NALF1: variants seen among roughly 807,000 people sequenced by gnomAD.
The protein encoded by NALF1 is NALCN channel auxiliary factor 1, also known as family with sequence similarity 155 member A.
Under a neutral mutation model 48.4 loss-of-function variants are expected in NALF1, and 3 were observed. The ratio of observed to expected loss-of-function variants is 0.06; its 90% CI spans 0.03 to 0.16. The LOEUF (loss-of-function observed/expected upper bound fraction) is 0.16, where lower values mean the gene tolerates loss of function less well. Ranked by LOEUF, NALF1 falls within the 10% of genes least tolerant of loss-of-function variation. The pLI is 1.00. For synonymous variants in NALF1, 262 were observed against 245.7 expected, an observed-to-expected ratio of 1.07 and a Z score of -0.62; for missense variants, 526 against 571.5, an observed-to-expected ratio of 0.92 and a Z score of 0.81.
chr13:107,863,557 G>A lies in NALF1; in HGVS notation c.915+2125C>T, dbSNP rs142002710. 1.4e-3 allele frequency among the ~76,000 whole-genome samples: 214 copies of A among 152,296 alleles called. 1 individual carries two copies. The highest frequency in any genetic ancestry group is 5.1e-3 in the African/African-American group (211 of 41,580). ...CATAACATGCAATTAATTCTCCATT[G>A]CGGTGATAAGAAATCAAGTGTCTGC... is the stretch of plus-strand genomic sequence containing the variant. On this transcript the variant is annotated intron_variant, in intron 1 of 2. Coordinates refer to ENST00000375915, the MANE Select transcript of NALF1 (RefSeq NM_001080396.3).
intron 1 of NALF1, among the ~76,000 whole-genome samples, chr13:107,435,889 C>G (rs943878141): frequency 6.6e-6 from 1 of 152,130 alleles, no homozygotes; most frequent in Non-Finnish European, 1.5e-5. Flanking sequence ...ACCTACTTAA[C>G]CTGGGGCTGA....
At chr13:107,744,308 G>A (rs1022234332) in intron 1 of NALF1, among the ~76,000 whole-genome samples, 1 of 152,200 alleles carries the variant, frequency 6.6e-6, no homozygotes, top group Non-Finnish European at 1.5e-5. Flanking sequence ...TGCATTTAAA[G>A]TCCAGCAGAT....
At chr13:107,735,077 C>T (rs993808580) in intron 1 of NALF1, among the ~76,000 whole-genome samples, 1 of 152,052 alleles carries the variant, frequency 6.6e-6, no homozygotes, top group Non-Finnish European at 1.5e-5. Flanking sequence ...AATATTCCAC[C>T]AGGAAGCCTC....
At chr13:107,325,849 C>CATAT (rs748454208) in intron 1 of NALF1, among the ~76,000 whole-genome samples, 17 of 52,612 alleles carry the variant, frequency 3.2e-4, no homozygotes, top group African/African-American at 1.1e-3. Context: ...TCAACACACA[C>CATAT]ACACACATAT....
intron 1 of NALF1, among the ~76,000 whole-genome samples, chr13:107,547,338 C>G (rs1221575804): frequency 6.6e-6 from 1 of 152,058 alleles, no homozygotes; most frequent in Non-Finnish European, 1.5e-5. Flanking sequence ...ATCCCAGATT[C>G]TTTAATTTGA....
intron 1 of NALF1, among the ~76,000 whole-genome samples, chr13:107,559,083 C>A (rs770626298): frequency 5.3e-5 from 8 of 152,200 alleles, no homozygotes; most frequent in Non-Finnish European, 1.2e-4. Flanking sequence ...AGATCTCTTT[C>A]TGTACATGCA....
intron 1 of NALF1, among the ~76,000 whole-genome samples, chr13:107,234,541 G>A (rs1328722779): frequency 2.0e-5 from 3 of 152,118 alleles, no homozygotes; most frequent in African/African-American, 7.2e-5. Flanking sequence ...AGCACTGCCT[G>A]TCAGCCGGCC....
chr13:107,865,872 T>C lies in NALF1; in HGVS notation c.725A>G (p.Asn242Ser), dbSNP rs537414485. ...CACATCCAGACTGCAGTTCAAAGTGTTGGGACTGGACAACCCCGAGAACAA... is the reference window on the plus strand; with the variant it reads ...CACATCCAGACTGCAGTTCAAAGTGCTGGGACTGGACAACCCCGAGAACAA... ...WELFSGLSSP[N>S]TLNCSLDVVL... Residue 242 changes from asparagine (N) to serine (S), a missense_variant, in exon 1 of 3, where the codon AAC (asparagine) becomes AGC (serine). By Grantham distance (46) the Asn-to-Ser change is conservative (BLOSUM62 1). Transcript: ENST00000375915. The C allele has an allele frequency of 6.5e-5, 105 of 1,613,840 alleles. No homozygotes were observed. Among genetic ancestry groups the C allele is most frequent in the Admixed American group, 8.3e-5 (5 of 59,984 alleles).
intron 1 of NALF1, among the ~76,000 whole-genome samples, chr13:107,782,895 G>C (rs377683649): frequency 6.7e-6 from 1 of 149,388 alleles, no homozygotes; most frequent in Non-Finnish European, 1.5e-5. Context: ...GTCTCCGCCC[G>C]GCAGCCGCCC....
chr13:107,433,094 CTTG>C (rs954636520), intron 1 of NALF1, among the ~76,000 whole-genome samples: 10 of 152,190 alleles, frequency 6.6e-5, no homozygotes, highest in African/African-American at 2.4e-4. Context: ...TGACTATTAT[CTTG>C]TTGTTTTTGT....
intron 1 of NALF1, among the ~76,000 whole-genome samples, chr13:107,724,178 C>T (rs990120319): frequency 2.0e-5 from 3 of 152,068 alleles, no homozygotes; most frequent in Non-Finnish European, 4.4e-5. Context: ...AATTTCCAAA[C>T]ACTTCTGCAT....
chr13:107,623,703 C>T (rs1201954662), intron 1 of NALF1, among the ~76,000 whole-genome samples: 1 of 152,136 alleles, frequency 6.6e-6, no homozygotes, highest in East Asian at 1.9e-4. Context: ...CTTCTGTGCT[C>T]CCTCAACATC....
intron 1 of NALF1, among the ~76,000 whole-genome samples, chr13:107,657,268 TAG>T (rs1381042397): frequency 1.3e-5 from 2 of 151,838 alleles, no homozygotes; most frequent in African/African-American, 4.8e-5. Context: ...TGTGTGTATA[TAG>T]AGAGAGAGAG....
chr13:107,445,046 G>C (rs892256711), intron 1 of NALF1, among the ~76,000 whole-genome samples: 1 of 152,080 alleles, frequency 6.6e-6, no homozygotes, highest in Non-Finnish European at 1.5e-5. Flanking sequence ...ATTATAGTAA[G>C]GTATCCAAAT....
At chr13:107,227,439 A>G (rs1224479507) in intron 1 of NALF1, among the ~76,000 whole-genome samples, 1 of 152,240 alleles carries the variant, frequency 6.6e-6, no homozygotes, top group Non-Finnish European at 1.5e-5. Context: ...CACCAGGTCT[A>G]TAGAAGGGCT....
In NALF1 at chr13:107,866,588, C is replaced by T. The variant is rs1187950112; in HGVS notation, c.9G>A (p.Arg3=). 2 of 1,604,996 alleles carry T rather than the reference C, an allele frequency of 1.2e-6. No homozygotes were observed. The highest frequency in any genetic ancestry group is 1.7e-6 in the Non-Finnish European group (2 of 1,178,264). ...CATACTGCCGACACATCCAAGCACC[C>T]CTGGTCATATTTTGGGAACGCACAG... MT[R]GAWMCRQYDD... Residue 3 remains arginine, a synonymous_variant, in exon 1 of 3, where the codon AGG becomes AGA. Transcript: ENST00000375915. This position sits in a 1 kb window ranked among gnomAD's most constrained non-coding sequence, Gnocchi z 4.4.
At chr13:107,700,462 T>C (rs1475609918) in intron 1 of NALF1, among the ~76,000 whole-genome samples, 1 of 151,854 alleles carries the variant, frequency 6.6e-6, no homozygotes, top group Non-Finnish European at 1.5e-5. Flanking sequence ...AAAATTGAAA[T>C]TGGACTACCA....
At chr13:107,201,664 T>A (rs977379024) in intron 2 of NALF1, among the ~76,000 whole-genome samples, 2 of 152,230 alleles carry the variant, frequency 1.3e-5, no homozygotes, top group African/African-American at 4.8e-5. Flanking sequence ...TTGGGACAAT[T>A]ATTTCCCTTG....
chr13:107,639,861 T>C (rs1297939441), intron 1 of NALF1, among the ~76,000 whole-genome samples: 1 of 152,210 alleles, frequency 6.6e-6, no homozygotes. Context: ...GATATTGTGC[T>C]CTACTCATGC....
Sources: gnomAD v4.1 joint callset for allele counts (sites outside exome capture counted in the v4.1 genomes callset) on GRCh38, gnomAD v4.1.1 for gene constraint, Gnocchi (gnomAD v3.1) non-coding constraint, MANE v1.5 for transcripts, NCBI Gene and HGNC (gene_info 2026-07-23, HGNC 2026-07-21) for gene names.